The following HYAL4 variants were observed in gnomAD, a reference collection of about 807,000 sequenced individuals.
HYAL4 encodes the protein hyaluronidase 4.
A neutral mutation model predicts 35.2 loss-of-function variants in HYAL4; 37 were observed. That is an observed-to-expected ratio of 1.05 (90% CI 0.81 to 1.38). HYAL4 has a LOEUF of 1.38. Among genes scored for constraint, HYAL4 ranks in the 40% most tolerant of loss-of-function variants. The pLI, the probability that HYAL4 is intolerant of heterozygous loss-of-function variation, is 0.00. For synonymous variants in HYAL4, 198 were observed against 203.2 expected, an observed-to-expected ratio of 0.97 and a Z score of 0.22; for missense variants, 572 against 572.4, an observed-to-expected ratio of 1.00 and a Z score of 0.01.
At position 123,832,479 on chromosome 7, in the gene HYAL4, C is replaced by CTTTTTTTTTTTTTTTTTTTTTTTTT. The variant is rs71163703; in HGVS notation, c.-257+3369_-257+3393dup. ...AGTCCCCAAAGTCTATTGTGTCATA[C>CTTTTTTTTTTTTTTTTTTTTTTTTT]TTTTTTTTTTTTTTTTTTTTTTTTT... On this transcript the variant is annotated intron_variant, in intron 1 of 4. Coordinates refer to the HYAL4 transcript ENST00000489978. Among the ~76,000 whole-genome samples, 2 of 21,844 alleles carry CTTTTTTTTTTTTTTTTTTTTTTTTT rather than the reference C, an allele frequency of 9.2e-5. 1 individual carries two copies. Among genetic ancestry groups the CTTTTTTTTTTTTTTTTTTTTTTTTT allele is most frequent in the Non-Finnish European group, 1.5e-4 (2 of 13,732 alleles). 14.3% of individuals were successfully genotyped at this position (21,844 alleles called of 152,430 possible).
At chr7:123,842,787 A>G (rs550973044), upstream of HYAL4, among the ~76,000 whole-genome samples, 5 of 151,958 alleles carry the variant, frequency 3.3e-5, no homozygotes, top group Admixed American at 3.3e-4. Flanking sequence ...TTGTTGGTTT[A>G]AAGTCTGTTT....
rs1198860491 is a variant in HYAL4 at position 123,869,021 on chromosome 7, T to G, written c.748T>G (p.Trp250Gly). The G allele has an allele frequency of 1.2e-6, 2 of 1,614,080 alleles. No individual in the cohort carries two copies. Among genetic ancestry groups the G allele is most frequent in the African/African-American group, 2.7e-5 (2 of 74,952 alleles). The change falls in exon 3 of 5, where the codon TGG becomes GGG. Residue 250 changes from tryptophan to glycine, a missense_variant. By Grantham distance (184) the Trp-to-Gly change is radical (BLOSUM62 -2). Coordinates refer to ENST00000223026, the MANE Select transcript of HYAL4 (RefSeq NM_012269.3). ...DEVLRNNELS[W>G]LWNSSAALYP... ...AGTCTTGAGGAACAATGAGCTCTCTTGGCTCTGGAACAGCAGTGCTGCTTT... is the reference window on the plus strand; with the variant it reads ...AGTCTTGAGGAACAATGAGCTCTCTGGGCTCTGGAACAGCAGTGCTGCTTT...
chr7:123,832,705 G>A (rs1039508071), intron 1 of HYAL4, among the ~76,000 whole-genome samples: 9 of 151,524 alleles, frequency 5.9e-5, no homozygotes. Context: ...GTTTCACTGT[G>A]TTAGCCAGGA....
upstream of HYAL4, among the ~76,000 whole-genome samples, chr7:123,827,534 ACCT>A (rs1805816084): frequency 1.3e-5 from 2 of 151,434 alleles, no homozygotes; most frequent in Admixed American, 1.3e-4. Context: ...TTTCTTAGAA[ACCT>A]CCTCAGATGC....
At chr7:123,820,243 G>A in the HYAL4 span, among the ~76,000 whole-genome samples, 2 of 151,778 alleles carry the variant, frequency 1.3e-5, no homozygotes, top group Non-Finnish European at 2.9e-5. Flanking sequence ...ATGCATGTGG[G>A]AGAAAAATCT....
chr7:123,818,452 A>G, the HYAL4 span, among the ~76,000 whole-genome samples: 1 of 152,194 alleles, frequency 6.6e-6, no homozygotes, highest in Non-Finnish European at 1.5e-5. Flanking sequence ...TATGAAATTT[A>G]ACGTGTTAAG....
rs199541453 is a variant in HYAL4, at chr7:123,876,860, A to G, written c.1151A>G (p.Asn384Ser). 7.4e-6 allele frequency: 12 copies of G among 1,614,200 alleles called. No homozygotes were observed. In the East Asian group the frequency reaches 1.3e-4, roughly 18 times the overall value. The change falls in exon 5 of 5, where the codon AAT becomes AGT. Residue 384 changes from asparagine to serine, a missense_variant. Physicochemically the swap from Asn to Ser is conservative, Grantham distance 46. Transcript: ENST00000223026. ...EVCSLHLCRN[N>S]GRCIRKMWNA... ...TGCAGCCTTCACCTCTGCAGGAACA[A>G]TGGCAGGTGCATAAGGAAGATGTGG...
chr7:123,777,688 A>AT, the HYAL4 span, among the ~76,000 whole-genome samples: 2 of 151,964 alleles, frequency 1.3e-5, no homozygotes, highest in African/African-American at 2.4e-5. Context: ...ATTTAAAAAT[A>AT]TTTTTTTTAT....
At chr7:123,800,351 A>G in the HYAL4 span, among the ~76,000 whole-genome samples, 1 of 149,714 alleles carries the variant, frequency 6.7e-6, no homozygotes, top group African/African-American at 2.4e-5. Context: ...TTGTATTTTT[A>G]GTAGAGACGG....
At chr7:123,826,734 G>T (rs1805806446), upstream of HYAL4, among the ~76,000 whole-genome samples, 1 of 152,106 alleles carries the variant, frequency 6.6e-6, no homozygotes, top group Non-Finnish European at 1.5e-5. Flanking sequence ...TATGCTCACT[G>T]TATTTAGAAC....
intron 2 of HYAL4, 66 bp from the exon 3 acceptor site, chr7:123,868,157 A>G (rs900465759): frequency 4.2e-6 from 2 of 481,456 alleles, no homozygotes; most frequent in African/African-American, 4.0e-5. Flanking sequence ...TAATAATAAT[A>G]TCTATTTATT....
chr7:123,809,562 A>G, the HYAL4 span, among the ~76,000 whole-genome samples: 1 of 151,272 alleles, frequency 6.6e-6, no homozygotes, highest in African/African-American at 2.4e-5. Flanking sequence ...TGCCTGGCTA[A>G]TTTTTGTATT....
At chr7:123,803,410 CT>C in the HYAL4 span, among the ~76,000 whole-genome samples, 1 of 152,134 alleles carries the variant, frequency 6.6e-6, no homozygotes, top group Non-Finnish European at 1.5e-5. Context: ...TACTTGTATA[CT>C]GATATCTTTA....
At chr7:123,795,094 G>A in the HYAL4 span, among the ~76,000 whole-genome samples, 2 of 152,214 alleles carry the variant, frequency 1.3e-5, no homozygotes, top group Admixed American at 6.5e-5. Context: ...TAACTTTAAG[G>A]TTTAATAACT....
intron 1 of HYAL4, among the ~76,000 whole-genome samples, chr7:123,835,060 T>C (rs1212212994): frequency 6.6e-6 from 1 of 152,038 alleles, no homozygotes; most frequent in Non-Finnish European, 1.5e-5. Context: ...GGTTATGTCC[T>C]TTCATGGTTT....
rs61344294 is a variant in HYAL4 at position 123,838,240 on chromosome 7, CT to C, written c.-256-5988del. Among the ~76,000 whole-genome samples the C allele has an allele frequency of 6.6e-3, 849 of 129,460 alleles. 4 individuals carry two copies. The highest frequency in any genetic ancestry group is 0.013 in the African/African-American group (456 of 35,534). The allele number at this position is 129,460 out of a possible 152,430, so 84.9% of individuals were successfully genotyped here. On this transcript the variant is annotated intron_variant, in intron 1 of 4. Coordinates refer to the HYAL4 transcript ENST00000489978. The stretch of plus-strand genomic sequence containing the variant: ...TCTACCATAGAATTCTTTACAGAGC[CT>C]TTTTTTTTTTTTTTTTGGAAATCAA...
At chr7:123,809,307 T>A in the HYAL4 span, among the ~76,000 whole-genome samples, 1 of 152,174 alleles carries the variant, frequency 6.6e-6, no homozygotes, top group Non-Finnish European at 1.5e-5. Context: ...ATTTTCTTGC[T>A]GTAATAGAAA....
the HYAL4 span, among the ~76,000 whole-genome samples, chr7:123,817,031 C>G: frequency 6.6e-6 from 1 of 152,102 alleles, no homozygotes; most frequent in Non-Finnish European, 1.5e-5. Context: ...TGAAACCTTC[C>G]TATAACGCAG....
At chr7:123,824,716 G>C (rs1805776599), upstream of HYAL4, among the ~76,000 whole-genome samples, 1 of 152,050 alleles carries the variant, frequency 6.6e-6, no homozygotes, top group East Asian at 1.9e-4. Flanking sequence ...TTTTCAGGAA[G>C]ATGCATGCCT....
Sources: allele counts gnomAD v4.1 joint callset (sites outside exome capture counted in the v4.1 genomes callset), GRCh38; gene constraint gnomAD v4.1.1; transcripts MANE v1.5; gene names NCBI Gene and HGNC (gene_info 2026-07-23, HGNC 2026-07-21).